SLC22A15: variants seen among roughly 807,000 people sequenced by gnomAD.
SLC22A15 encodes solute carrier family 22 member 15.
SLC22A15 carries 45 observed loss-of-function variants against 62.7 expected under a neutral mutation model. The observed-to-expected ratio is 0.72, with a 90% CI of 0.56 to 0.92. SLC22A15 has a LOEUF of 0.92. Ranked by LOEUF, SLC22A15 falls within the 40% of genes least tolerant of loss-of-function variation. SLC22A15 has a pLI of 0.00. For synonymous variants in SLC22A15, 264 were observed against 267.0 expected (o/e 0.99, Z 0.11); for missense variants, 622 against 665.6 (o/e 0.93, Z 0.72).
intron 7 of SLC22A15, among the ~76,000 whole-genome samples, chr1:116,035,746 C>T (rs1031565967): frequency 2.0e-5 from 3 of 152,188 alleles, no homozygotes; most frequent in African/African-American, 7.2e-5. Flanking sequence ...ACTAGAAAGA[C>T]TTTTCTTATC....
intron 1 of SLC22A15, 87 bp downstream of exon 1, chr1:115,976,801 C>T: frequency 9.4e-7 from 1 of 1,068,622 alleles, no homozygotes. Flanking sequence ...CCGCCGGGGC[C>T]GGGGCCGAGG....
intron 5 of SLC22A15, 139 bp from the exon 6 acceptor site, chr1:116,031,227 T>C: frequency 1.5e-6 from 1 of 646,902 alleles, no homozygotes; most frequent in Non-Finnish European, 2.7e-6. Context: ...TTTCATATGT[T>C]ATTGGGAGAG....
At chr1:116,020,317 C>A (rs1656759268) in intron 3 of SLC22A15, among the ~76,000 whole-genome samples, 1 of 150,382 alleles carries the variant, frequency 6.6e-6, no homozygotes, top group African/African-American at 2.4e-5. Flanking sequence ...CTTTGGGAGG[C>A]CGAGGTGGGT....
intron 8 of SLC22A15, among the ~76,000 whole-genome samples, chr1:116,049,701 A>G (rs1220019427): frequency 2.6e-5 from 4 of 152,160 alleles, no homozygotes; most frequent in Non-Finnish European, 5.9e-5. Context: ...CTAGAGAAAC[A>G]AGAACAAACC....
intron 8 of SLC22A15, among the ~76,000 whole-genome samples, chr1:116,057,636 A>G (rs1324095208): frequency 3.4e-4 from 52 of 152,352 alleles, no homozygotes; most frequent in Non-Finnish European, 1.3e-4. Flanking sequence ...TATTCACAAT[A>G]GCAAAGACTT....
At chr1:115,982,840 A>G (rs755612986) in intron 1 of SLC22A15, among the ~76,000 whole-genome samples, 3 of 152,184 alleles carry the variant, frequency 2.0e-5, no homozygotes, top group Non-Finnish European at 4.4e-5. Flanking sequence ...ACCTATCTTA[A>G]ATACCTTCTC....
Position 116,067,481 on chromosome 1 carries a change from C to T in SLC22A15, c.*373C>T, listed in dbSNP as rs1658526112. The T allele has an allele frequency of 5.3e-6, 1 of 188,738 alleles. No individual in the cohort carries two copies. The highest frequency in any genetic ancestry group is 1.3e-4 in the South Asian group (1 of 7,842). The allele number at this position is 188,738 out of a possible 1,614,324, so 11.7% of individuals were successfully genotyped here. ...AAGGCAGATATGTAAAATTTCTCAC[C>T]ATTTTGGTGGGGTAAGATAAGCTAT... On this transcript the variant is annotated 3_prime_UTR_variant, in exon 12 of 12. Transcript: ENST00000369503.
chr1:116,026,292 G>A (rs935854073), intron 4 of SLC22A15, among the ~76,000 whole-genome samples: 1 of 152,044 alleles, frequency 6.6e-6, no homozygotes, highest in Admixed American at 6.6e-5. Context: ...GGTGGCGGGC[G>A]CCTGTAATCC....
In SLC22A15 at chr1:116,003,479, T is replaced by C. The variant is rs146559966; in HGVS notation, c.300+11236T>C. ...GCTCTTTAGCTTGCAGTGGTGGGAC[T>C]AGCCAGAACTCAGGTTCTGACCACT... On this transcript the variant is annotated intron_variant, in intron 2 of 11. Transcript: ENST00000369503. Among the ~76,000 whole-genome samples the C allele has an allele frequency of 1.0e-3, 158 of 152,316 alleles. 3 individuals carry two copies. The highest frequency in any genetic ancestry group is 3.8e-3 in the African/African-American group (157 of 41,572).
At chr1:115,982,748 A>G (rs565706728) in intron 1 of SLC22A15, among the ~76,000 whole-genome samples, 1 of 152,258 alleles carries the variant, frequency 6.6e-6, no homozygotes, top group African/African-American at 2.4e-5. Context: ...TTTTGTCCCA[A>G]CTTCATGGAT....
rs201894908 is a variant in SLC22A15 at position 116,020,879 on chromosome 1, C to T, written c.592C>T (p.Leu198Phe). The T allele has an allele frequency of 8.7e-6, 14 of 1,610,526 alleles. No homozygotes were observed. The East Asian group carries it at 2.2e-4, about 26-fold the overall frequency. ...NECVGTAYWA[L>F]AGSIGGLFFA... ...ATGTGTGGGCACCGCCTACTGGGCA[C>T]TTGCAGGTACTACTTAAATCATGCA... Residue 198 changes from leucine (L) to phenylalanine (F), a missense_variant, in exon 4 of 12, where the codon CTT becomes TTT. Transcript: ENST00000369503.
Position 115,992,014 on chromosome 1 carries a change from T to C in SLC22A15, c.88-17T>C. On this transcript the variant is annotated splice_polypyrimidine_tract_variant and intron_variant, in intron 1 of 11. Coordinates refer to ENST00000369503, the MANE Select transcript of SLC22A15 (RefSeq NM_018420.3). Reference sequence around the variant, plus strand: ...CAAATATCTGCAGTGTTTGGTTCTGTGTGTTTGCTCTTTCAGCTCTACGTG... The same window carrying C: ...CAAATATCTGCAGTGTTTGGTTCTGCGTGTTTGCTCTTTCAGCTCTACGTG... 1.2e-6 allele frequency: 2 copies of C among 1,610,044 alleles called. No homozygotes were observed. Among genetic ancestry groups the C allele is most frequent in the East Asian group, 2.2e-5 (1 of 44,856 alleles).
At chr1:116,033,858 A>G (rs1215558337) in intron 6 of SLC22A15, among the ~76,000 whole-genome samples, 1 of 152,124 alleles carries the variant, frequency 6.6e-6, no homozygotes, top group Non-Finnish European at 1.5e-5. Context: ...GTATATGAAT[A>G]ACACTTCATC....
chr1:115,984,649 G>A (rs1312826934), intron 1 of SLC22A15, among the ~76,000 whole-genome samples: 2 of 152,092 alleles, frequency 1.3e-5, no homozygotes. Context: ...ACCAGCCTCA[G>A]GCAGATTCTT....
intron 8 of SLC22A15, among the ~76,000 whole-genome samples, chr1:116,059,102 G>A (rs1011417645): frequency 6.6e-6 from 1 of 151,890 alleles, no homozygotes; most frequent in Non-Finnish European, 1.5e-5. Flanking sequence ...AATAAATTAT[G>A]GAAACTAAAA....
intron 2 of SLC22A15, among the ~76,000 whole-genome samples, chr1:115,997,098 A>C (rs572102849): frequency 3.3e-5 from 5 of 152,124 alleles, no homozygotes; most frequent in Non-Finnish European, 7.4e-5. Context: ...AGTTTTAGCT[A>C]TAGGTTTTTA....
chr1:116,026,820 CT>C (rs1657116501), intron 4 of SLC22A15, 72 bp from the exon 5 acceptor site: 13 of 1,575,916 alleles, frequency 8.2e-6, no homozygotes, highest in Non-Finnish European at 4.3e-6. Flanking sequence ...GAAATTGGCT[CT>C]GTAACTTGGG....
chr1:116,057,209 A>G (rs1413740907), intron 8 of SLC22A15, among the ~76,000 whole-genome samples: 1 of 151,864 alleles, frequency 6.6e-6, no homozygotes. Context: ...CAAATTTACA[A>G]GAAAAAAACA....
At chr1:115,981,532 A>G (rs1294702705) in intron 1 of SLC22A15, among the ~76,000 whole-genome samples, 5 of 152,216 alleles carry the variant, frequency 3.3e-5, no homozygotes, top group Non-Finnish European at 5.9e-5. Context: ...AACCAAACCC[A>G]CACTGGCCCC....
Sources: gnomAD v4.1 joint callset for allele counts (sites outside exome capture counted in the v4.1 genomes callset) on GRCh38, gnomAD v4.1.1 for gene constraint, MANE v1.5 for transcripts, NCBI Gene and HGNC (gene_info 2026-07-23, HGNC 2026-07-21) for gene names.